Variants in CHL1 observed in about 807,000 individuals in gnomAD.
The protein encoded by CHL1 is cell adhesion molecule L1 like, also known as neural cell adhesion molecule L1-like protein.
CHL1 carries 96 observed loss-of-function variants against 141.9 expected under a neutral mutation model. The ratio of observed to expected loss-of-function variants is 0.68; its 90% CI spans 0.57 to 0.80. The LOEUF (loss-of-function observed/expected upper bound fraction) is 0.80. Among genes scored for constraint, CHL1 ranks in the 30% least tolerant of loss-of-function variants. The pLI is 0.00. For synonymous variants in CHL1, 613 were observed against 502.2 expected (o/e 1.22, Z -2.95); for missense variants, 1,820 against 1,457.2 (o/e 1.25, Z -4.05).
intron 1 of CHL1, among the ~76,000 whole-genome samples, chr3:208,974 C>A (rs1481668782): frequency 6.6e-6 from 1 of 152,114 alleles, no homozygotes; most frequent in East Asian, 1.9e-4. Flanking sequence ...TTATTTTCCT[C>A]TGATGCTATT....
intron 1 of CHL1, among the ~76,000 whole-genome samples, chr3:236,067 G>A (rs752275630): frequency 1.1e-4 from 16 of 152,170 alleles, no homozygotes; most frequent in Non-Finnish European, 1.8e-4. Flanking sequence ...ATTCATGGTG[G>A]GAAGACCAGC....
rs1699829374 is a variant in CHL1 at position 210,570 on chromosome 3, G to A, written c.-175+13507G>A. 3.3e-5 allele frequency among the ~76,000 whole-genome samples: 5 copies of A among 152,162 alleles called. No homozygotes were observed. In the South Asian group the frequency reaches 1.0e-3, roughly 32 times the overall value. ...ACTGGACTTTTCACACAGTGACTCA[G>A]GGCTTTAAAAATCTAACTTGGAAAC... On this transcript the variant is annotated intron_variant, in intron 1 of 27. Coordinates refer to ENST00000256509, the MANE Select transcript of CHL1 (RefSeq NM_006614.4).
intron 2 of CHL1, among the ~76,000 whole-genome samples, chr3:252,361 G>GACATATATAT (rs1693768624): frequency 1.8e-5 from 1 of 54,274 alleles, no homozygotes; most frequent in Non-Finnish European, 3.3e-5. Context: ...AAAGCATCCA[G>GACATATATAT]ATATATATAT....
intron 2 of CHL1, among the ~76,000 whole-genome samples, chr3:271,137 T>C (rs780170907): frequency 6.6e-6 from 1 of 152,174 alleles, no homozygotes; most frequent in South Asian, 2.1e-4. Flanking sequence ...AAAAAATTCT[T>C]ATATTTTGGC....
chr3:228,894 C>T (rs376084426), intron 1 of CHL1, among the ~76,000 whole-genome samples: 3 of 151,980 alleles, frequency 2.0e-5, no homozygotes, highest in Non-Finnish European at 4.4e-5. Context: ...GTATTGTCCA[C>T]TAAGTGGAGT....
chr3:394,579 T>C (rs1708511854), intron 23 of CHL1, 114 bp from the exon 24 acceptor site: 3 of 730,232 alleles, frequency 4.1e-6, no homozygotes, highest in Non-Finnish European at 6.9e-6. Context: ...TTGATGGTTA[T>C]GAATCATTAA....
chr3:233,029 A>G (rs1256647415), intron 1 of CHL1, among the ~76,000 whole-genome samples: 1 of 151,666 alleles, frequency 6.6e-6, no homozygotes, highest in African/African-American at 2.4e-5. Flanking sequence ...TTTCTCTCAT[A>G]ATGAATCAAG....
Position 407,075 on chromosome 3 carries a change from C to G in CHL1, c.*1364C>G, listed in dbSNP as rs1559370953. On this transcript the variant is annotated 3_prime_UTR_variant, in exon 28 of 28. Coordinates refer to ENST00000256509, the MANE Select transcript of CHL1 (RefSeq NM_006614.4). ...TATTTTCTGGCAGTTGTGCTCCAGT[C>G]CTTTTAAAATTGTACATGAACATGT... 6.6e-6 allele frequency: 1 copy of G among 151,994 alleles called. No individual in the cohort carries two copies. The highest frequency in any genetic ancestry group is 1.5e-5 in the Non-Finnish European group (1 of 68,002). 9.4% of individuals were successfully genotyped at this position (151,994 alleles called of 1,614,324 possible).
intron 1 of CHL1, among the ~76,000 whole-genome samples, chr3:242,347 A>G (rs1440858109): frequency 6.7e-5 from 10 of 149,890 alleles, no homozygotes; most frequent in South Asian, 6.5e-4. Context: ...CTGTAATCCC[A>G]GCACTTTGGG....
chr3:357,863 A>G (rs1703855454), intron 11 of CHL1, among the ~76,000 whole-genome samples: 1 of 152,212 alleles, frequency 6.6e-6, no homozygotes, highest in Admixed American at 6.5e-5. Flanking sequence ...GATAAGGAGA[A>G]CTAAATGGGA....
intron 2 of CHL1, among the ~76,000 whole-genome samples, chr3:278,731 T>A (rs1382363572): frequency 1.3e-5 from 2 of 152,242 alleles, no homozygotes; most frequent in Non-Finnish European, 2.9e-5. Context: ...GAATAGACAG[T>A]GTCCTTGTAG....
intron 9 of CHL1, among the ~76,000 whole-genome samples, chr3:346,507 C>A (rs952094361): frequency 6.6e-6 from 1 of 152,080 alleles, no homozygotes; most frequent in Non-Finnish European, 1.5e-5. Flanking sequence ...CTTCACTGAC[C>A]TCTTGGATTG....
At chr3:290,328 G>A (rs909918219) in intron 2 of CHL1, among the ~76,000 whole-genome samples, 7 of 151,976 alleles carry the variant, frequency 4.6e-5, no homozygotes, top group African/African-American at 1.7e-4. Context: ...CACATGTTGG[G>A]GAAAGATCAC....
At chr3:264,907 C>T (rs62228343) in intron 2 of CHL1, among the ~76,000 whole-genome samples, 9,876 of 152,244 alleles carry the variant, frequency 0.065, 389 homozygotes, top group Non-Finnish European at 0.082. Flanking sequence ...CTTTGAAGTG[C>T]CTTTATTTTG....
intron 1 of CHL1, among the ~76,000 whole-genome samples, chr3:235,476 T>C (rs1245965649): frequency 6.6e-6 from 1 of 152,208 alleles, no homozygotes; most frequent in African/African-American, 2.4e-5. Context: ...TAGCCCTGTA[T>C]AAATGTATCC....
chr3:288,503 T>C (rs1000734411), intron 2 of CHL1, among the ~76,000 whole-genome samples: 3 of 152,196 alleles, frequency 2.0e-5, no homozygotes, highest in Non-Finnish European at 4.4e-5. Flanking sequence ...TTTACAGATC[T>C]ACTGTTCCTC....
chr3:229,408 C>A (rs3872650), intron 1 of CHL1, among the ~76,000 whole-genome samples: 133,909 of 152,144 alleles, frequency 0.88, 59,038 homozygotes, highest in East Asian at 1. Context: ...AAAATACAGA[C>A]ACAAATTCAG....
chr3:296,379 C>T (rs1698187299), intron 2 of CHL1, among the ~76,000 whole-genome samples: 1 of 152,158 alleles, frequency 6.6e-6, no homozygotes. Flanking sequence ...ACAGGTGGGA[C>T]TGGCCTTAGG....
At chr3:304,438 G>T (rs464285) in intron 2 of CHL1, among the ~76,000 whole-genome samples, 9,406 of 152,124 alleles carry the variant, frequency 0.062, 981 homozygotes, top group African/African-American at 0.22. Context: ...GTTTTATTCG[G>T]GGATTTGACT....
Sources: gnomAD v4.1 joint callset for allele counts (sites outside exome capture counted in the v4.1 genomes callset) on GRCh38, gnomAD v4.1.1 for gene constraint, MANE v1.5 for transcripts, NCBI Gene and HGNC (gene_info 2026-07-23, HGNC 2026-07-21) for gene names.